DACH2: variants seen among roughly 807,000 people sequenced by gnomAD.
DACH2 encodes the protein dachshund homolog 2.
DACH2 carries 17 observed loss-of-function variants against 35.8 expected under a neutral mutation model. The observed-to-expected ratio is 0.48, with a 90% CI of 0.33 to 0.71. The LOEUF is 0.71. Among genes scored for constraint, DACH2 ranks in the 30% least tolerant of loss-of-function variants. The probability of loss-of-function intolerance (pLI) is 0.02; values close to 1 mark genes in which losing one functional copy is unlikely to be tolerated. For synonymous variants in DACH2, 195 were observed against 177.3 expected, an observed-to-expected ratio of 1.10 and a Z score of -0.79; for missense variants, 469 against 472.7, an observed-to-expected ratio of 0.99 and a Z score of 0.07.
At chrX:86,407,135 T>G (rs2036539377) in intron 2 of DACH2, among the ~76,000 whole-genome samples, 1 of 111,795 alleles carries the variant, frequency 8.9e-6, no homozygotes, top group Non-Finnish European at 1.9e-5. Context: ...AACAGTGAAC[T>G]CATGAAGAAT....
intron 3 of DACH2, among the ~76,000 whole-genome samples, chrX:86,579,566 T>C (rs1424883916): frequency 1.8e-5 from 2 of 111,800 alleles, no homozygotes; most frequent in Non-Finnish European, 3.8e-5. Context: ...GTGCAATGAT[T>C]TGAATTTGTG....
chrX:86,526,297 A>G (rs1035311604), intron 3 of DACH2, among the ~76,000 whole-genome samples: 5 of 111,904 alleles, frequency 4.5e-5, no homozygotes, highest in African/African-American at 1.6e-4. Context: ...AGTATCACCT[A>G]CATATTGTGA....
intron 10 of DACH2, 63 bp downstream of exon 10, chrX:86,814,897 A>G: frequency 9.3e-7 from 1 of 1,075,637 alleles, no homozygotes; most frequent in Non-Finnish European, 1.3e-6. Context: ...GAAGAAAAAT[A>G]GAAGAAGGAA....
chrX:86,779,789 G>C (rs2042072197), intron 7 of DACH2, among the ~76,000 whole-genome samples: 1 of 112,020 alleles, frequency 8.9e-6, no homozygotes, highest in Non-Finnish European at 1.9e-5. Flanking sequence ...AACAGAAGAT[G>C]AGGTTGGCTC....
At chrX:86,781,660 G>T (rs1474382362) in intron 7 of DACH2, among the ~76,000 whole-genome samples, 1 of 111,146 alleles carries the variant, frequency 9.0e-6, no homozygotes, top group Non-Finnish European at 1.9e-5. Context: ...ACTAGTCAGG[G>T]TTCTCTAGAA....
At chrX:86,549,919 G>C (rs769657594) in intron 3 of DACH2, among the ~76,000 whole-genome samples, 2 of 111,457 alleles carry the variant, frequency 1.8e-5, no homozygotes, top group South Asian at 7.4e-4. Context: ...TAAATGACTA[G>C]ATTTATACTC....
At chrX:86,608,190 A>G (rs759729316) in intron 3 of DACH2, among the ~76,000 whole-genome samples, 2 of 111,620 alleles carry the variant, frequency 1.8e-5, no homozygotes, top group East Asian at 2.9e-4. Context: ...TGGCCATCAG[A>G]GAAATGCAAA....
At chrX:86,397,910 G>T (rs1375076269) in intron 2 of DACH2, among the ~76,000 whole-genome samples, 3 of 111,943 alleles carry the variant, frequency 2.7e-5, no homozygotes, top group African/African-American at 9.8e-5. Context: ...CTCATAAAAT[G>T]AGTTAGGGAG....
intron 7 of DACH2, among the ~76,000 whole-genome samples, chrX:86,798,334 AAAAC>A (rs1457085212): frequency 8.9e-6 from 1 of 112,287 alleles, no homozygotes; most frequent in Admixed American, 9.5e-5. Context: ...AAGTCACTAA[AAAAC>A]AAACTAACTG....
At chrX:86,755,636 C>T (rs766661690) in intron 7 of DACH2, among the ~76,000 whole-genome samples, 1 of 95,563 alleles carries the variant, frequency 1.0e-5, no homozygotes, top group East Asian at 3.3e-4. Context: ...CTCACTCTGT[C>T]GCCCAGGCTG....
chrX:86,523,711 G>A (rs1307430139), intron 3 of DACH2, among the ~76,000 whole-genome samples: 5 of 109,798 alleles, frequency 4.6e-5, no homozygotes, highest in African/African-American at 6.6e-5. Flanking sequence ...TGATGGGATC[G>A]CAGGATAAGT....
intron 1 of DACH2, among the ~76,000 whole-genome samples, chrX:86,349,248 A>G (rs1374387436): frequency 9.0e-6 from 1 of 111,524 alleles, no homozygotes; most frequent in East Asian, 2.9e-4. Context: ...CCCAGCTGTC[A>G]GGCTCTCACC....
intron 1 of DACH2, among the ~76,000 whole-genome samples, chrX:86,206,254 T>G (rs1387848897): frequency 2.8e-5 from 3 of 107,771 alleles, no homozygotes; most frequent in Non-Finnish European, 5.7e-5. Flanking sequence ...TTTTAGGTCA[T>G]TTTCACTGGG....
In DACH2 at chrX:86,298,731, C is replaced by G. The variant is rs181518494; in HGVS notation, c.489-78093C>G. ...ATTAGATCAATCATTCCAGGTATCT[C>G]TGAATTATTTTTACAAAAAAGGTTT... is the stretch of plus-strand genomic sequence containing the variant. On this transcript the variant is annotated intron_variant, in intron 1 of 11. Coordinates refer to ENST00000373125, the MANE Select transcript of DACH2 (RefSeq NM_053281.3). 8.9e-5 allele frequency among the ~76,000 whole-genome samples: 10 copies of G among 112,000 alleles called. No homozygotes were observed. The Admixed American group carries it at 9.5e-4, about 11-fold the overall frequency.
chrX:86,159,805 C>A (rs188112573), intron 1 of DACH2, among the ~76,000 whole-genome samples: 1,472 of 111,280 alleles, frequency 0.013, 30 homozygotes, highest in African/African-American at 0.045. Flanking sequence ...ACATATAATT[C>A]AAAAACGTGG....
chrX:86,673,104 G>C lies in DACH2; in HGVS notation c.773-21917G>C, dbSNP rs958969670. On this transcript the variant is annotated intron_variant, in intron 4 of 11. Transcript: ENST00000373125. Reference sequence around the variant, plus strand: ...TAATCCCAGCACTTTGGGAGGCCGAGGCGGGTGGATCACGAGGTCAGGAGA... The same window carrying C: ...TAATCCCAGCACTTTGGGAGGCCGACGCGGGTGGATCACGAGGTCAGGAGA... 8.1e-5 allele frequency among the ~76,000 whole-genome samples: 9 copies of C among 111,024 alleles called. No individual in the cohort carries two copies. In the East Asian group the frequency reaches 2.6e-3, roughly 32 times the overall value.
chrX:86,266,145 G>T (rs1177891550), intron 1 of DACH2, among the ~76,000 whole-genome samples: 1 of 111,234 alleles, frequency 9.0e-6, no homozygotes, highest in Non-Finnish European at 1.9e-5. Context: ...TCAAGGGTTT[G>T]TTAAAACACA....
At chrX:86,716,469 G>A (rs766142075) in intron 6 of DACH2, among the ~76,000 whole-genome samples, 1 of 111,560 alleles carries the variant, frequency 9.0e-6, no homozygotes, top group South Asian at 3.7e-4. Context: ...CTAAGGAGAG[G>A]AAGATCACTT....
At chrX:86,506,874 G>A (rs1170165253) in intron 2 of DACH2, among the ~76,000 whole-genome samples, 2 of 111,747 alleles carry the variant, frequency 1.8e-5, no homozygotes, top group African/African-American at 6.5e-5. Flanking sequence ...CTATTAAGTA[G>A]GGCTGGAAAT....
Sources: allele counts gnomAD v4.1 joint callset (sites outside exome capture counted in the v4.1 genomes callset), GRCh38; gene constraint gnomAD v4.1.1; transcripts MANE v1.5; gene names NCBI Gene and HGNC (gene_info 2026-07-23, HGNC 2026-07-21).